Variants in KLHDC10 observed in about 807,000 individuals in gnomAD.
The protein encoded by KLHDC10 is kelch domain-containing protein 10.
In KLHDC10, 24 loss-of-function variants were observed where a neutral mutation model predicts 56.1. The observed-to-expected ratio is 0.43, with a 90% CI of 0.31 to 0.60. KLHDC10 has a LOEUF of 0.60. Among genes scored for constraint, KLHDC10 ranks in the 20% least tolerant of loss-of-function variants. The pLI is 0.11. For missense variants in KLHDC10, 349 were observed against 567.0 expected, an observed-to-expected ratio of 0.62 and a Z score of 3.91; for synonymous variants, 188 against 207.1, an observed-to-expected ratio of 0.91 and a Z score of 0.79.
Position 130,096,792 on chromosome 7 carries a change from A to T in KLHDC10, c.167-129A>T, listed in dbSNP as rs533981439. On this transcript the variant is annotated intron_variant, in intron 1 of 9. Coordinates refer to ENST00000335420, the MANE Select transcript of KLHDC10 (RefSeq NM_014997.4). Reference sequence around the variant, plus strand: ...CCAAAACAGGGTTAAATGCTACTTTACGTCACTTTCTTTCTGTATTCAAGT... The same window carrying T: ...CCAAAACAGGGTTAAATGCTACTTTTCGTCACTTTCTTTCTGTATTCAAGT... 21 of 578,358 alleles carry T rather than the reference A, an allele frequency of 3.6e-5. No homozygotes were observed. In the Admixed American group the frequency reaches 6.3e-4, roughly 17 times the overall value. The allele number at this position is 578,358 out of a possible 1,614,324, so 35.8% of individuals were successfully genotyped here.
At chr7:130,113,315 A>C (rs970138995) in intron 2 of KLHDC10, among the ~76,000 whole-genome samples, 1 of 151,200 alleles carries the variant, frequency 6.6e-6, no homozygotes, top group Admixed American at 6.7e-5. Context: ...CTTAGTACAT[A>C]GCCAGCATCC....
chr7:130,084,751 T>C (rs1443018045), intron 1 of KLHDC10, among the ~76,000 whole-genome samples: 1 of 149,888 alleles, frequency 6.7e-6, no homozygotes, highest in Non-Finnish European at 1.5e-5. Context: ...CACTCCAGTC[T>C]AGGTGACAGA....
chr7:130,121,078 T>C (rs1796241822), intron 4 of KLHDC10, among the ~76,000 whole-genome samples, 175 bp downstream of exon 4: 2 of 152,210 alleles, frequency 1.3e-5, no homozygotes, highest in African/African-American at 2.4e-5. Context: ...GGTTACTTGC[T>C]GTGTTCTTTT....
Position 130,084,527 on chromosome 7 carries a change from A to G in KLHDC10, c.167-12394A>G, listed in dbSNP as rs576080664. 3.0e-4 allele frequency among the ~76,000 whole-genome samples: 46 copies of G among 152,332 alleles called. No individual in the cohort carries two copies. In the Middle Eastern group the frequency reaches 0.014, roughly 45 times the overall value. On this transcript the variant is annotated intron_variant, in intron 1 of 9. Transcript: ENST00000335420. ...GGTGGTTGACGCCTGTAATCCCAGC[A>G]CTTTGGGAGGGAGGCCAAGGTGGGT...
chr7:130,078,482 C>T (rs1398335921), intron 1 of KLHDC10, among the ~76,000 whole-genome samples: 1 of 152,104 alleles, frequency 6.6e-6, no homozygotes, highest in South Asian at 2.1e-4. Flanking sequence ...GTCTTGGCCT[C>T]CCGGGATTAC....
chr7:130,094,622 C>G (rs1003139746), intron 1 of KLHDC10, among the ~76,000 whole-genome samples: 15 of 152,082 alleles, frequency 9.9e-5, no homozygotes, highest in Non-Finnish European at 1.8e-4. Context: ...TTTTTCTTTA[C>G]TAAAATGGTA....
rs1038875608 is a variant in KLHDC10 at position 130,113,195 on chromosome 7, T to C, written c.254-3250T>C. 1.4e-4 allele frequency among the ~76,000 whole-genome samples: 22 copies of C among 152,328 alleles called. 1 individual carries two copies. Among genetic ancestry groups the C allele is most frequent in the Admixed American group, 2.6e-4 (4 of 15,300 alleles). ...TCAAGTGCTCAGGAGCCATATGTTATGGCTCATGGCTACTGACTTGGGCTG... is the reference window on the plus strand; with the variant it reads ...TCAAGTGCTCAGGAGCCATATGTTACGGCTCATGGCTACTGACTTGGGCTG... On this transcript the variant is annotated intron_variant, in intron 2 of 9. Coordinates refer to ENST00000335420, the MANE Select transcript of KLHDC10 (RefSeq NM_014997.4).
In KLHDC10 at chr7:130,110,368, G is replaced by A. The variant is rs183857641; in HGVS notation, c.254-6077G>A. Among the ~76,000 whole-genome samples, 217 of 152,306 alleles carry A rather than the reference G, an allele frequency of 1.4e-3. 1 individual carries two copies. The highest frequency in any genetic ancestry group is 5.1e-3 in the African/African-American group (210 of 41,558). On this transcript the variant is annotated intron_variant, in intron 2 of 9. Transcript: ENST00000335420. Reference sequence around the variant, plus strand: ...GTTTTTGGGAAAAAGTAATACAAAAGGGAATTTGTTCTAAATATTGAAAGA... The same window carrying A: ...GTTTTTGGGAAAAAGTAATACAAAAAGGAATTTGTTCTAAATATTGAAAGA...
chr7:130,114,821 G>A (rs1563104265), intron 2 of KLHDC10, among the ~76,000 whole-genome samples: 1 of 151,944 alleles, frequency 6.6e-6, no homozygotes, highest in Non-Finnish European at 1.5e-5. Context: ...GGGATTGATG[G>A]GTAGGTAGGT....
intron 4 of KLHDC10, among the ~76,000 whole-genome samples, 198 bp downstream of exon 4, chr7:130,121,101 T>C (rs769145393): frequency 6.7e-6 from 1 of 149,016 alleles, no homozygotes; most frequent in Non-Finnish European, 1.5e-5. Flanking sequence ...TTTCTCTTCC[T>C]TTCTTTTCTT....
intron 2 of KLHDC10, among the ~76,000 whole-genome samples, chr7:130,105,047 C>G (rs75683967): frequency 6.6e-6 from 1 of 152,102 alleles, no homozygotes; most frequent in Admixed American, 6.5e-5. Context: ...AGTAAAACCA[C>G]GAGAGCTCTA....
intron 8 of KLHDC10, 101 bp downstream of exon 8, chr7:130,127,552 T>C (rs1796330345): frequency 1.3e-6 from 1 of 798,924 alleles, no homozygotes; most frequent in Admixed American, 2.3e-5. Context: ...CTCATAACTT[T>C]GAGAAAAGTC....
intron 1 of KLHDC10, among the ~76,000 whole-genome samples, chr7:130,094,547 C>A (rs1021032589): frequency 6.6e-6 from 1 of 152,096 alleles, no homozygotes; most frequent in African/African-American, 2.4e-5. Flanking sequence ...CCAAAGATAA[C>A]TACAGTCAAA....
intron 7 of KLHDC10, 103 bp from the exon 8 acceptor site, chr7:130,127,301 G>A: frequency 1.1e-6 from 1 of 888,598 alleles, no homozygotes; most frequent in Non-Finnish European, 1.9e-6. Flanking sequence ...GTAACAAAGG[G>A]ATTGTTTTGA....
At chr7:130,110,797 A>T (rs1016794444) in intron 2 of KLHDC10, among the ~76,000 whole-genome samples, 20 of 152,176 alleles carry the variant, frequency 1.3e-4, no homozygotes, top group Admixed American at 5.9e-4. Flanking sequence ...GTTTTTTTTT[A>T]AAATGGCCTC....
chr7:130,106,407 C>T (rs1008794578), intron 2 of KLHDC10, among the ~76,000 whole-genome samples: 4 of 151,716 alleles, frequency 2.6e-5, no homozygotes, highest in Non-Finnish European at 4.4e-5. Flanking sequence ...AAGCTTATTT[C>T]AATAAAATCA....
intron 1 of KLHDC10, among the ~76,000 whole-genome samples, chr7:130,089,195 A>C (rs942706831): frequency 3.9e-5 from 6 of 152,206 alleles, no homozygotes; most frequent in African/African-American, 1.4e-4. Flanking sequence ...AGAATCACAA[A>C]AAAAATTGAA....
intron 2 of KLHDC10, among the ~76,000 whole-genome samples, chr7:130,115,461 A>G (rs2116900303): frequency 6.6e-6 from 1 of 152,210 alleles, no homozygotes; most frequent in South Asian, 2.1e-4. Context: ...CGTACCTGTA[A>G]TCCCAGGATG....
At chr7:130,129,839 C>A (rs1450449998) in intron 9 of KLHDC10, among the ~76,000 whole-genome samples, 1 of 152,082 alleles carries the variant, frequency 6.6e-6, no homozygotes, top group Non-Finnish European at 1.5e-5. Flanking sequence ...AAGGTGTTTC[C>A]TGGGAGGGCG....
Sources: allele counts gnomAD v4.1 joint callset (sites outside exome capture counted in the v4.1 genomes callset), GRCh38; gene constraint gnomAD v4.1.1; transcripts MANE v1.5; gene names NCBI Gene and HGNC (gene_info 2026-07-23, HGNC 2026-07-21).